Variants in RASGRF2 observed in about 807,000 individuals in gnomAD.
RASGRF2 encodes ras-specific guanine nucleotide-releasing factor 2.
In RASGRF2, 76 loss-of-function variants were observed where a neutral mutation model predicts 151.0. The observed-to-expected ratio is 0.50, with a 90% CI of 0.42 to 0.61. RASGRF2 has a LOEUF of 0.61. RASGRF2 is among the 20% of genes least tolerant of loss of function. The pLI is 0.00. For synonymous variants in RASGRF2, 504 were observed against 566.5 expected (o/e 0.89, Z 1.57); for missense variants, 1,148 against 1,564.6 (o/e 0.73, Z 4.49).
intron 2 of RASGRF2, among the ~76,000 whole-genome samples, chr5:81,050,591 C>T (rs1750980476): frequency 6.6e-6 from 1 of 152,062 alleles, no homozygotes; most frequent in Admixed American, 6.6e-5. Flanking sequence ...CTGGAGCCAC[C>T]ACATACAGGA....
At chr5:81,000,952 T>G (rs2112288853) in intron 1 of RASGRF2, among the ~76,000 whole-genome samples, 1 of 152,374 alleles carries the variant, frequency 6.6e-6, no homozygotes, top group Non-Finnish European at 1.5e-5. Flanking sequence ...GATGATGAAT[T>G]GTTGCATTGC....
intron 5 of RASGRF2, among the ~76,000 whole-genome samples, chr5:81,078,135 G>A (rs530947171): frequency 1.3e-5 from 2 of 152,196 alleles, no homozygotes; most frequent in South Asian, 4.1e-4. Context: ...ATATATAATA[G>A]CTGTACATAT....
chr5:81,123,696 C>G lies in RASGRF2; in HGVS notation c.2525C>G (p.Ala842Gly). 5.0e-6 allele frequency: 8 copies of G among 1,613,878 alleles called. No individual in the cohort carries two copies. The highest frequency in any genetic ancestry group is 6.8e-6 in the Non-Finnish European group (8 of 1,179,862). Reference protein sequence around the residue: ...DRAGVESSPAADTTELSPCRS... With the variant: ...DRAGVESSPAGDTTELSPCRS... ...GCAGGAGTGGAAAGCTCCCCTGCAG[C>G]GGACACCACAGAACTTTCACCTTGC... Residue 842 changes from alanine (A) to glycine (G), a missense_variant, in exon 16 of 27, where the codon GCG becomes GGG. By Grantham distance (60) the Ala-to-Gly change is moderately conservative. Around this residue, in one of 5 missense-constraint regions of RASGRF2, gnomAD observed 646 missense variants for 807.4 expected, o/e 0.80. Transcript: ENST00000265080.
chr5:81,086,155 A>C (rs2112487766), intron 8 of RASGRF2, among the ~76,000 whole-genome samples: 1 of 152,242 alleles, frequency 6.6e-6, no homozygotes, highest in South Asian at 2.1e-4. Flanking sequence ...AATTCAGATT[A>C]GGTGTATTTT....
At chr5:81,003,427 G>C (rs569244830) in intron 1 of RASGRF2, among the ~76,000 whole-genome samples, 3 of 152,074 alleles carry the variant, frequency 2.0e-5, no homozygotes, top group Non-Finnish European at 4.4e-5. Flanking sequence ...GTTTCACCAG[G>C]TTAGCCAGGA....
chr5:81,139,405 C>CT (rs757190046), intron 17 of RASGRF2, among the ~76,000 whole-genome samples: 2,560 of 60,396 alleles, frequency 0.042, 88 homozygotes, highest in African/African-American at 0.11. Flanking sequence ...TTCTTTCTTT[C>CT]TTTTTTTTTT....
At chr5:81,179,027 G>A (rs569337254) in intron 17 of RASGRF2, among the ~76,000 whole-genome samples, 1 of 152,308 alleles carries the variant, frequency 6.6e-6, no homozygotes, top group East Asian at 1.9e-4. Flanking sequence ...ATGAGCCACC[G>A]TGCCCAGCCT....
intron 7 of RASGRF2, among the ~76,000 whole-genome samples, chr5:81,083,268 ACTTTT>A (rs1752136587): frequency 9.6e-6 from 1 of 104,020 alleles, no homozygotes; most frequent in South Asian, 3.1e-4. Flanking sequence ...TAGGGTTCTC[ACTTTT>A]TTTTTTTTTT....
intron 2 of RASGRF2, among the ~76,000 whole-genome samples, chr5:81,049,061 GA>G (rs1750927001): frequency 6.7e-6 from 1 of 149,102 alleles, no homozygotes; most frequent in African/African-American, 2.5e-5. Context: ...GGTCAACAAT[GA>G]ATTTCCAAAG....
chr5:81,161,362 T>A (rs1310272524), intron 17 of RASGRF2, among the ~76,000 whole-genome samples: 3 of 152,254 alleles, frequency 2.0e-5, no homozygotes, highest in Non-Finnish European at 4.4e-5. Context: ...TTGGTCATAC[T>A]GAGAGAGAAG....
chr5:81,153,520 A>G lies in RASGRF2; in HGVS notation c.2686+26357A>G, dbSNP rs141092075. ...TCTGTCTTAGAGTGTCCTGAAAGGAATGCAACCTTGCTAGCACCTTGCTTT... is the reference window on the plus strand; with the variant it reads ...TCTGTCTTAGAGTGTCCTGAAAGGAGTGCAACCTTGCTAGCACCTTGCTTT... On this transcript the variant is annotated intron_variant, in intron 17 of 26. Coordinates refer to ENST00000265080, the MANE Select transcript of RASGRF2 (RefSeq NM_006909.3). Among the ~76,000 whole-genome samples the G allele has an allele frequency of 4.5e-4, 69 of 152,380 alleles. 1 individual carries two copies. Among genetic ancestry groups the G allele is most frequent in the African/African-American group, 1.5e-3 (61 of 41,590 alleles).
At chr5:81,206,998 A>T in intron 20 of RASGRF2, 93 bp downstream of exon 20, 1 of 1,090,912 alleles carries the variant, frequency 9.2e-7, no homozygotes, top group Admixed American at 1.7e-5. Context: ...GGAGTGTTGT[A>T]GTATTAGGCC....
chr5:81,087,879 G>C (rs1752284720), intron 9 of RASGRF2: 1 of 154,808 alleles, frequency 6.5e-6, no homozygotes, highest in Admixed American at 6.3e-5. Flanking sequence ...ATAATGTACT[G>C]CTTAAAATCT....
chr5:81,103,783 G>C (rs148353153), intron 12 of RASGRF2, among the ~76,000 whole-genome samples: 1 of 152,108 alleles, frequency 6.6e-6, no homozygotes, highest in African/African-American at 2.4e-5. Context: ...AATGGTCACT[G>C]TATCTTTGTT....
chr5:81,121,510 G>A (rs1414324055), intron 15 of RASGRF2, among the ~76,000 whole-genome samples: 2 of 152,150 alleles, frequency 1.3e-5, no homozygotes, highest in African/African-American at 4.8e-5. Flanking sequence ...TTTCTGGCAG[G>A]AGAACGTCAA....
chr5:81,148,882 A>G (rs1754066759), intron 17 of RASGRF2, among the ~76,000 whole-genome samples: 1 of 152,152 alleles, frequency 6.6e-6, no homozygotes, highest in African/African-American at 2.4e-5. Flanking sequence ...ATACCAAAAA[A>G]TGCTTAACCT....
intron 18 of RASGRF2, among the ~76,000 whole-genome samples, chr5:81,199,822 C>T (rs1250585115): frequency 4.2e-5 from 6 of 144,268 alleles, no homozygotes; most frequent in Admixed American, 2.9e-4. Context: ...CACTTGAACC[C>T]GGGAAGCGGA....
chr5:81,021,605 C>A (rs531467127), intron 1 of RASGRF2, among the ~76,000 whole-genome samples: 1 of 152,082 alleles, frequency 6.6e-6, no homozygotes, highest in South Asian at 2.1e-4. Context: ...AGGCAGGGAT[C>A]TTGCTGGTGC....
chr5:80,972,412 G>A (rs1422912172), intron 1 of RASGRF2, among the ~76,000 whole-genome samples: 6 of 151,952 alleles, frequency 3.9e-5, no homozygotes, highest in African/African-American at 1.5e-4. Flanking sequence ...ATTTTGATTT[G>A]GATTTTCATT....
Sources: gnomAD v4.1 joint callset for allele counts (sites outside exome capture counted in the v4.1 genomes callset) on GRCh38, gnomAD v4.1.1 for gene constraint, gnomAD v4.1.1 regional missense constraint, MANE v1.5 for transcripts, NCBI Gene and HGNC (gene_info 2026-07-23, HGNC 2026-07-21) for gene names.